Variants in SEC14L1 observed in about 807,000 individuals in gnomAD.
SEC14L1 encodes the protein SEC14 like lipid binding 1.
In SEC14L1, 48 loss-of-function variants were observed where a neutral mutation model predicts 85.3. That is an observed-to-expected ratio of 0.56 (90% confidence interval 0.45 to 0.72). The LOEUF is 0.72. SEC14L1 is among the 30% of genes least tolerant of loss of function. The probability of loss-of-function intolerance (pLI) is 0.00; values close to 1 mark genes in which losing one functional copy is unlikely to be tolerated. For synonymous variants in SEC14L1, 391 were observed against 355.5 expected (o/e 1.10, Z -1.12); for missense variants, 682 against 921.4 (o/e 0.74, Z 3.36).
chr17:77,213,924 C>T lies in SEC14L1; in HGVS notation c.2049C>T (p.Ser683=), dbSNP rs1976907304. Reference sequence around the variant, plus strand: ...CCTCCCTGTGCCATTACAGAGGTTCCATGACGAGCCTGGAGTCCAGCCACA... The same window carrying T: ...CCTCCCTGTGCCATTACAGAGGTTCTATGACGAGCCTGGAGTCCAGCCACA... The part of the protein sequence containing the change: ...EVIGSEDFRG[S]MTSLESSHSG... The change falls in exon 17 of 17, where the codon TCC becomes TCT. Residue 683 remains serine (S), a synonymous_variant. Coordinates refer to ENST00000436233, the MANE Select transcript of SEC14L1 (RefSeq NM_001143998.2). This position sits in a 1 kb window ranked among gnomAD's most constrained non-coding sequence, Gnocchi z 7.1. 3 of 1,613,134 alleles carry T rather than the reference C, an allele frequency of 1.9e-6. No homozygotes were observed. The highest frequency in any genetic ancestry group is 2.5e-6 in the Non-Finnish European group (3 of 1,179,688).
intron 3 of SEC14L1, among the ~76,000 whole-genome samples, chr17:77,150,381 C>T (rs952437201): frequency 6.6e-6 from 1 of 152,164 alleles, no homozygotes; most frequent in African/African-American, 2.4e-5. Flanking sequence ...CCACAGTCTC[C>T]CCCTCTCCCT....
chr17:77,143,434 T>G, intron 2 of SEC14L1, 133 bp from the exon 3 acceptor site: 1 of 558,900 alleles, frequency 1.8e-6, no homozygotes, highest in East Asian at 3.1e-5. Context: ...TCTTTTCATT[T>G]TTGTGTGCAT....
At chr17:77,200,808 C>T in intron 9 of SEC14L1, 135 bp downstream of exon 9, 1 of 831,958 alleles carries the variant, frequency 1.2e-6, no homozygotes. Flanking sequence ...GAGAATTTGG[C>T]ACCTTTCCCA....
intron 3 of SEC14L1, among the ~76,000 whole-genome samples, chr17:77,101,732 A>C (rs1894882139): frequency 6.6e-6 from 1 of 152,154 alleles, no homozygotes. Flanking sequence ...TGCTGGTCTG[A>C]GGACCACTCG....
intron 3 of SEC14L1, among the ~76,000 whole-genome samples, chr17:77,176,682 G>C (rs1041029221): frequency 9.2e-5 from 14 of 152,176 alleles, no homozygotes; most frequent in African/African-American, 3.4e-4. Context: ...CACCTCCCAG[G>C]TTCAAGTGAT....
At position 77,213,865 on chromosome 17, in the gene SEC14L1, CGGGTGGTTGGCA is replaced by C. The variant is rs1976902543; in HGVS notation, c.2043-45_2043-34del. 1 of 1,601,642 alleles carries C rather than the reference CGGGTGGTTGGCA, an allele frequency of 6.2e-7. No individual in the cohort carries two copies. Among genetic ancestry groups the C allele is most frequent in the African/African-American group, 1.3e-5 (1 of 74,750 alleles). On this transcript the variant is annotated intron_variant, in intron 16 of 16. Transcript: ENST00000436233. This position sits in a 1 kb window ranked among gnomAD's most constrained non-coding sequence, Gnocchi z 7.1. ...AAGTCCAGCAGGCAGTGTGGGCCGG[CGGGTGGTTGGCA>C]GGGTGGTCCTCACGCCTCGCCCCTC...
chr17:77,101,698 C>G (rs980518298), intron 3 of SEC14L1, among the ~76,000 whole-genome samples: 2 of 152,216 alleles, frequency 1.3e-5, no homozygotes, highest in African/African-American at 4.8e-5. Context: ...GCAGTTCTCA[C>G]AAGCTCCCAG....
At chr17:77,170,442 G>A (rs1322517981) in intron 3 of SEC14L1, among the ~76,000 whole-genome samples, 1 of 152,184 alleles carries the variant, frequency 6.6e-6, no homozygotes, top group Admixed American at 6.5e-5. Flanking sequence ...TAATCTCTGG[G>A]CTGGTGATGA....
intron 9 of SEC14L1, among the ~76,000 whole-genome samples, chr17:77,200,914 C>T (rs1324157299): frequency 4.6e-5 from 7 of 152,236 alleles, no homozygotes; most frequent in Non-Finnish European, 2.9e-5. Flanking sequence ...CATGGACACA[C>T]GTCATCCTTG....
Position 77,213,496 on chromosome 17 carries a change from C to T in SEC14L1, c.2042+4C>T, listed in dbSNP as rs188715098. On this transcript the variant is annotated splice_donor_region_variant and intron_variant, in intron 16 of 16. Coordinates refer to ENST00000436233, the MANE Select transcript of SEC14L1 (RefSeq NM_001143998.2). The surrounding 1 kb of genome is among the most constrained non-coding windows in gnomAD (Gnocchi z 7.1). ...TGATCGGCTCGGAGGATTTCAGGTG[C>T]GGCCACCCTCGCCACAGCAGGTGCT... 8.6e-4 allele frequency: 1,377 copies of T among 1,605,422 alleles called. 10 individuals are homozygous for T. The African/African-American group carries it at 0.016, about 19-fold the overall frequency.
At position 77,177,692 on chromosome 17, in the gene SEC14L1, T is replaced by C. The variant is rs1386772337; in HGVS notation, c.64-13111T>C. On this transcript the variant is annotated intron_variant, in intron 3 of 16. Coordinates refer to ENST00000436233, the MANE Select transcript of SEC14L1 (RefSeq NM_001143998.2). ...TGCTAGATCTGAATAGTAGTCTTGC[T>C]TTAGCCAAATGTAGACATGCTAGTG... is the stretch of plus-strand genomic sequence containing the variant. Among the ~76,000 whole-genome samples the C allele has an allele frequency of 3.9e-5, 6 of 152,166 alleles. No individual in the cohort carries two copies. The East Asian group carries it at 9.6e-4, about 24-fold the overall frequency.
upstream of SEC14L1, among the ~76,000 whole-genome samples, chr17:77,140,202 C>A (rs899108233): frequency 6.6e-6 from 1 of 152,232 alleles, no homozygotes; most frequent in African/African-American, 2.4e-5. Context: ...TGCTCTCCTG[C>A]TGAAATTCGG....
chr17:77,180,056 A>G (rs1217775085), intron 3 of SEC14L1, among the ~76,000 whole-genome samples: 1 of 58,728 alleles, frequency 1.7e-5, no homozygotes, highest in Non-Finnish European at 4.2e-5. Flanking sequence ...TTGTTATGTT[A>G]TGTTATGTTA....
chr17:77,209,011 T>C (rs1976605409), intron 13 of SEC14L1, among the ~76,000 whole-genome samples: 1 of 152,226 alleles, frequency 6.6e-6, no homozygotes, highest in Admixed American at 6.5e-5. Context: ...AAGTAATACT[T>C]TTCCTTTACA....
intron 3 of SEC14L1, among the ~76,000 whole-genome samples, chr17:77,100,697 A>G (rs920043101): frequency 2.6e-5 from 4 of 151,968 alleles, no homozygotes; most frequent in African/African-American, 4.8e-5. Context: ...TCGGCCTCCC[A>G]AAGTGCTGGG....
At chr17:77,116,267 T>G (rs562707138) in intron 3 of SEC14L1, among the ~76,000 whole-genome samples, 1 of 152,282 alleles carries the variant, frequency 6.6e-6, no homozygotes, top group Non-Finnish European at 1.5e-5. Flanking sequence ...GATTTAAACG[T>G]TTTAGGGGTC....
In SEC14L1 at chr17:77,205,263, C is replaced by G. The variant is rs371205271; in HGVS notation, c.1099-13C>G. 6.2e-7 allele frequency: 1 copy of G among 1,612,392 alleles called. No individual in the cohort carries two copies. The highest frequency in any genetic ancestry group is 8.5e-7 in the Non-Finnish European group (1 of 1,178,944). ...ACTAATCATGGTAAATTTTCATGCC[C>G]TTTTGTATGTAGGTTCTCTCCATAA... On this transcript the variant is annotated splice_polypyrimidine_tract_variant and intron_variant, in intron 10 of 16. Transcript: ENST00000436233.
Position 77,215,480 on chromosome 17 carries a change from G to A in SEC14L1, c.*1457G>A. 2 of 985,806 alleles carry A rather than the reference G, an allele frequency of 2.0e-6. No individual in the cohort carries two copies. Among genetic ancestry groups the A allele is most frequent in the Non-Finnish European group, 2.4e-6 (2 of 830,148 alleles). 61.1% of individuals were successfully genotyped at this position (985,806 alleles called of 1,614,324 possible). A position where few individuals can be genotyped will look rare whatever the true frequency, so the allele number is the denominator to read the frequency against. On this transcript the variant is annotated 3_prime_UTR_variant, in exon 17 of 17. Transcript: ENST00000436233. Reference sequence around the variant, plus strand: ...TCCGCTCTGAAGGCACTGTGTGGGTGCTGCGTGACTGGAGAGCTGTGTGGA... The same window carrying A: ...TCCGCTCTGAAGGCACTGTGTGGGTACTGCGTGACTGGAGAGCTGTGTGGA...
intron 14 of SEC14L1, chr17:77,210,191 G>C (rs2143202774): frequency 6.6e-6 from 1 of 152,318 alleles, no homozygotes; most frequent in East Asian, 1.9e-4. Flanking sequence ...TAGATATCTT[G>C]GGGATTTTCC....
Sources: gnomAD v4.1 joint callset for allele counts (sites outside exome capture counted in the v4.1 genomes callset) on GRCh38, gnomAD v4.1.1 for gene constraint, Gnocchi (gnomAD v3.1) non-coding constraint, MANE v1.5 for transcripts, NCBI Gene and HGNC (gene_info 2026-07-23, HGNC 2026-07-21) for gene names.